PPP3CA: variants seen among roughly 807,000 people sequenced by gnomAD.
PPP3CA encodes the protein protein phosphatase 3 catalytic subunit alpha, also known as CAM-PRP catalytic subunit.
In PPP3CA, 14 loss-of-function variants were observed where a neutral mutation model predicts 66.5. The observed-to-expected ratio is 0.21, with a 90% confidence interval of 0.14 to 0.33. PPP3CA has a LOEUF of 0.33. PPP3CA is among the 10% of genes least tolerant of loss of function. The pLI is 1.00. For missense variants in PPP3CA, 317 were observed against 639.5 expected, an observed-to-expected ratio of 0.50 and a Z score of 5.44; for synonymous variants, 232 against 226.2, an observed-to-expected ratio of 1.03 and a Z score of -0.23.
At chr4:101,293,025 C>T (rs1261197780) in intron 1 of PPP3CA, among the ~76,000 whole-genome samples, 3 of 152,156 alleles carry the variant, frequency 2.0e-5, no homozygotes, top group Non-Finnish European at 4.4e-5. Context: ...CAAAATGTTA[C>T]ATTAAAATTT....
intron 1 of PPP3CA, among the ~76,000 whole-genome samples, chr4:101,257,439 C>T (rs1443660221): frequency 6.6e-6 from 1 of 151,068 alleles, no homozygotes; most frequent in Non-Finnish European, 1.5e-5. Context: ...CTGAAGTCCA[C>T]AAATATTTGT....
At chr4:101,312,623 TA>T (rs565917905) in intron 1 of PPP3CA, among the ~76,000 whole-genome samples, 44 of 152,040 alleles carry the variant, frequency 2.9e-4, no homozygotes, top group African/African-American at 1.0e-3. Flanking sequence ...ATTTAAAAAT[TA>T]AAAAAAAGTT....
chr4:101,070,176 CT>C (rs757672622), intron 8 of PPP3CA, among the ~76,000 whole-genome samples: 3 of 151,570 alleles, frequency 2.0e-5, no homozygotes, highest in Non-Finnish European at 2.9e-5. Context: ...GCACAGATCC[CT>C]TTTTTTTATA....
At chr4:101,183,732 A>G (rs114646055) in intron 2 of PPP3CA, among the ~76,000 whole-genome samples, 200 of 152,168 alleles carry the variant, frequency 1.3e-3, no homozygotes, top group Admixed American at 2.9e-3. Flanking sequence ...CCTTTTCTTG[A>G]TCCAAGTTTT....
chr4:101,167,753 G>A (rs1443438352), intron 2 of PPP3CA, among the ~76,000 whole-genome samples: 1 of 152,112 alleles, frequency 6.6e-6, no homozygotes, highest in African/African-American at 2.4e-5. Context: ...GTCAGGGCTG[G>A]TATAATTATG....
chr4:101,170,874 A>G (rs1448339185), intron 2 of PPP3CA, among the ~76,000 whole-genome samples: 2 of 152,150 alleles, frequency 1.3e-5, no homozygotes, highest in African/African-American at 2.4e-5. Context: ...ATTTACCAAT[A>G]TATCTGTGAA....
intron 10 of PPP3CA, among the ~76,000 whole-genome samples, chr4:101,046,724 T>C (rs1057171253): frequency 6.6e-6 from 1 of 152,164 alleles, no homozygotes; most frequent in Non-Finnish European, 1.5e-5. Context: ...TGGGTCAATA[T>C]TATTAAACAG....
chr4:101,047,915 G>C (rs1413741773), intron 10 of PPP3CA, among the ~76,000 whole-genome samples: 3 of 149,964 alleles, frequency 2.0e-5, no homozygotes, highest in Admixed American at 6.7e-5. Flanking sequence ...CTGAGATAGA[G>C]AGCACTAACA....
At chr4:101,324,154 G>GGGAGGAAGGGAGGAAGGAAGGA (rs1729130998) in intron 1 of PPP3CA, among the ~76,000 whole-genome samples, 15 of 66,484 alleles carry the variant, frequency 2.3e-4, no homozygotes, top group African/African-American at 6.9e-4. Context: ...GGAAGGGAGG[G>GGGAGGAAGGGAGGAAGGAAGGA]AGGAAGGAAG....
At chr4:101,176,915 T>C (rs1357876516) in intron 2 of PPP3CA, among the ~76,000 whole-genome samples, 5 of 152,160 alleles carry the variant, frequency 3.3e-5, no homozygotes, top group African/African-American at 1.2e-4. Context: ...ACCATGCTTT[T>C]TTCTATAGCC....
intron 1 of PPP3CA, among the ~76,000 whole-genome samples, chr4:101,294,471 A>G (rs1256205955): frequency 6.6e-6 from 1 of 152,170 alleles, no homozygotes. Flanking sequence ...GTATTTCAGT[A>G]TTATAATTTT....
chr4:101,219,863 G>A (rs768371571), intron 1 of PPP3CA, among the ~76,000 whole-genome samples: 12 of 151,760 alleles, frequency 7.9e-5, no homozygotes, highest in Admixed American at 5.9e-4. Context: ...CTTCAATAAT[G>A]AGATACACAA....
intron 1 of PPP3CA, among the ~76,000 whole-genome samples, chr4:101,220,172 T>C (rs1242367068): frequency 6.6e-6 from 1 of 151,812 alleles, no homozygotes; most frequent in African/African-American, 2.4e-5. Flanking sequence ...AAATCAGATT[T>C]AGTGGCCTAC....
At chr4:101,041,497 C>T (rs964433848) in intron 10 of PPP3CA, among the ~76,000 whole-genome samples, 37 of 130,734 alleles carry the variant, frequency 2.8e-4, no homozygotes, top group African/African-American at 9.8e-4. Context: ...TGTAGTGGTG[C>T]GATTTCGGCT....
intron 1 of PPP3CA, among the ~76,000 whole-genome samples, chr4:101,334,683 G>A (rs1299158901): frequency 6.6e-6 from 1 of 152,086 alleles, no homozygotes; most frequent in Admixed American, 6.5e-5. Context: ...AGATGTGTGA[G>A]GAGAGAAGAC....
chr4:101,128,615 G>A (rs1722323090), intron 2 of PPP3CA, among the ~76,000 whole-genome samples: 1 of 151,516 alleles, frequency 6.6e-6, no homozygotes, highest in Admixed American at 6.6e-5. Context: ...AGCAGGGCGG[G>A]GCGTCACCTT....
At chr4:101,284,405 AT>A (rs1727773082) in intron 1 of PPP3CA, among the ~76,000 whole-genome samples, 1 of 152,068 alleles carries the variant, frequency 6.6e-6, no homozygotes, top group Admixed American at 6.5e-5. Context: ...ATCTAATTCA[AT>A]TTTCTGGTTT....
chr4:101,098,233 G>C, intron 5 of PPP3CA, 134 bp downstream of exon 5: 1 of 951,862 alleles, frequency 1.1e-6, no homozygotes, highest in East Asian at 3.3e-5. Flanking sequence ...TTAACACAAA[G>C]GAGCGATTCA....
intron 1 of PPP3CA, among the ~76,000 whole-genome samples, chr4:101,200,609 T>TC (rs897602004): frequency 1.1e-4 from 17 of 152,004 alleles, no homozygotes; most frequent in Admixed American, 4.6e-4. Context: ...CTCCTTTTTT[T>TC]CCCCCCTCAA....
Sources: gnomAD v4.1 joint callset for allele counts (sites outside exome capture counted in the v4.1 genomes callset) on GRCh38, gnomAD v4.1.1 for gene constraint, MANE v1.5 for transcripts, NCBI Gene and HGNC (gene_info 2026-07-23, HGNC 2026-07-21) for gene names.